The following POU6F2 variants were observed in gnomAD, a reference collection of about 807,000 sequenced individuals.
The protein encoded by POU6F2 is POU domain, class 6, transcription factor 2.
A neutral mutation model predicts 71.3 loss-of-function variants in POU6F2; 31 were observed. The ratio of observed to expected loss-of-function variants is 0.43; its 90% CI spans 0.33 to 0.59. POU6F2 has a LOEUF of 0.59. Ranked by LOEUF, POU6F2 falls within the 20% of genes least tolerant of loss-of-function variation. The pLI is 0.04. For missense variants in POU6F2, 783 were observed against 856.8 expected, an observed-to-expected ratio of 0.91 and a Z score of 1.07; for synonymous variants, 347 against 355.7, an observed-to-expected ratio of 0.98 and a Z score of 0.27.
intron 4 of POU6F2, among the ~76,000 whole-genome samples, chr7:39,211,302 G>C (rs976203437): frequency 6.6e-6 from 1 of 152,166 alleles, no homozygotes; most frequent in Non-Finnish European, 1.5e-5. Flanking sequence ...CATGAAGGCA[G>C]TGAATGTCCT....
rs74928348 is a variant in POU6F2 at position 39,452,221 on chromosome 7, G to A, written c.1489+520G>A. ...GCATGTGGGGGAAGCTGCATGGGCCGGAATCAGATGAGAAATCTCTGAACA... is the reference window on the plus strand; with the variant it reads ...GCATGTGGGGGAAGCTGCATGGGCCAGAATCAGATGAGAAATCTCTGAACA... On this transcript the variant is annotated intron_variant, in intron 8 of 9. Transcript: ENST00000518318. Among the ~76,000 whole-genome samples, 96 of 152,246 alleles carry A rather than the reference G, an allele frequency of 6.3e-4. No homozygotes were observed. The East Asian group carries it at 0.014, about 22-fold the overall frequency.
chr7:39,193,179 G>A (rs2128743508), intron 2 of POU6F2, among the ~76,000 whole-genome samples: 1 of 152,242 alleles, frequency 6.6e-6, no homozygotes, highest in Non-Finnish European at 1.5e-5. Flanking sequence ...GAATGCAGCT[G>A]CACTTAGCTC....
rs140219574 is a variant in POU6F2, at chr7:39,318,666, G to A, written c.599-20976G>A. Among the ~76,000 whole-genome samples the A allele has an allele frequency of 2.0e-4, 31 of 152,308 alleles. No homozygotes were observed. In the East Asian group the frequency reaches 5.6e-3, roughly 28 times the overall value. The stretch of plus-strand genomic sequence containing the variant: ...GCAAGGCTCAGTTCCTCTGAGGTTA[G>A]TGCAATCACTACATGACTTGTTCAA... On this transcript the variant is annotated intron_variant, in intron 4 of 9. Coordinates refer to ENST00000518318, the MANE Select transcript of POU6F2 (RefSeq NM_001370959.1).
chr7:39,214,243 G>A (rs900311660), intron 4 of POU6F2, among the ~76,000 whole-genome samples: 10 of 151,986 alleles, frequency 6.6e-5, no homozygotes, highest in Admixed American at 3.3e-4. Flanking sequence ...TTCTTTGCAC[G>A]TACTCCTAGC....
chr7:39,386,983 A>G (rs1439231785), intron 5 of POU6F2, among the ~76,000 whole-genome samples: 12 of 152,374 alleles, frequency 7.9e-5, no homozygotes, highest in African/African-American at 2.9e-4. Flanking sequence ...AAGCTGGAAC[A>G]GCAACTGCTC....
chr7:39,180,649 C>T (rs1220888695), intron 2 of POU6F2, among the ~76,000 whole-genome samples: 1 of 152,134 alleles, frequency 6.6e-6, no homozygotes, highest in Non-Finnish European at 1.5e-5. Context: ...CTGTGTGATT[C>T]ATGCAGGCGC....
intron 5 of POU6F2, among the ~76,000 whole-genome samples, chr7:39,398,194 C>T (rs1443232295): frequency 6.6e-6 from 1 of 152,026 alleles, no homozygotes; most frequent in Admixed American, 6.5e-5. Context: ...CTACTGGATG[C>T]CTGGCACTGT....
intron 1 of POU6F2, among the ~76,000 whole-genome samples, chr7:39,025,724 G>A (rs1383254395): frequency 6.6e-6 from 1 of 150,530 alleles, no homozygotes; most frequent in East Asian, 1.9e-4. Context: ...AAAAGCAATG[G>A]CAACAAAAGC....
At chr7:39,225,026 CAA>C (rs1271347172) in intron 4 of POU6F2, among the ~76,000 whole-genome samples, 1 of 152,120 alleles carries the variant, frequency 6.6e-6, no homozygotes, top group Non-Finnish European at 1.5e-5. Context: ...TGAAATATTT[CAA>C]TATTGTGTTC....
intron 2 of POU6F2, among the ~76,000 whole-genome samples, chr7:39,135,120 C>T (rs1433694641): frequency 6.6e-6 from 1 of 152,108 alleles, no homozygotes; most frequent in Non-Finnish European, 1.5e-5. Context: ...AAGACATGAG[C>T]TTCTGATAAA....
chr7:39,422,035 C>T lies in POU6F2; in HGVS notation c.1114-11042C>T, dbSNP rs529569072. On this transcript the variant is annotated intron_variant, in intron 6 of 9. Coordinates refer to ENST00000518318, the MANE Select transcript of POU6F2 (RefSeq NM_001370959.1). ...TGATGGCTTCACCACAGTTGTGCTTCTCTTTTAAGGGGGAAAAAATGTTTC... is the reference window on the plus strand; with the variant it reads ...TGATGGCTTCACCACAGTTGTGCTTTTCTTTTAAGGGGGAAAAAATGTTTC... Among the ~76,000 whole-genome samples, 38 of 152,258 alleles carry T rather than the reference C, an allele frequency of 2.5e-4. 1 individual carries two copies. The East Asian group carries it at 4.2e-3, about 17-fold the overall frequency.
Position 39,464,438 on chromosome 7 carries a change from C to T in POU6F2, c.1915C>T (p.Arg639Trp). 1.9e-6 allele frequency: 3 copies of T among 1,613,962 alleles called. No individual in the cohort carries two copies. Among genetic ancestry groups the T allele is most frequent in the Non-Finnish European group, 2.5e-6 (3 of 1,179,876 alleles). ...IGSEPSKKRK[R>W]RTSFTPQALE... ...GAGTGAACCATCCAAAAAGCGCAAG[C>T]GGCGCACCTCCTTCACACCCCAGGC... is the stretch of plus-strand genomic sequence containing the variant. The change falls in exon 10 of 10, where the codon CGG becomes TGG. Residue 639 changes from arginine to tryptophan, a missense_variant. By Grantham distance (101) the Arg-to-Trp change is moderately radical. This residue lies in a region of POU6F2 where 211 missense variants were observed against 283.9 expected (regional missense o/e 0.74). Coordinates refer to ENST00000518318, the MANE Select transcript of POU6F2 (RefSeq NM_001370959.1). This position sits in a 1 kb window ranked among gnomAD's most constrained non-coding sequence, Gnocchi z 4.1.
chr7:39,448,627 T>C (rs896759257), intron 7 of POU6F2, among the ~76,000 whole-genome samples: 2 of 152,226 alleles, frequency 1.3e-5, no homozygotes, highest in Non-Finnish European at 2.9e-5. Context: ...TAGCTTGCTC[T>C]AGTGACTCTT....
chr7:39,083,563 A>C (rs776135735), intron 1 of POU6F2: 2 of 151,046 alleles, frequency 1.3e-5, no homozygotes, highest in Non-Finnish European at 2.9e-5. Flanking sequence ...TTTAGGAAAG[A>C]GATCCAGAGA....
At chr7:39,340,102 CA>C in intron 5 of POU6F2, 87 bp downstream of exon 5, 1 of 1,335,014 alleles carries the variant, frequency 7.5e-7, no homozygotes, top group Non-Finnish European at 9.7e-7. Flanking sequence ...AGAGGGACCA[CA>C]CAAAACTTAG....
rs77418101 is a variant in POU6F2, at chr7:39,390,045, T to C, written c.973-16555T>C. On this transcript the variant is annotated intron_variant, in intron 5 of 9. Transcript: ENST00000518318. The stretch of plus-strand genomic sequence containing the variant: ...TTTTTGGAATGTAAAAGATGCTACA[T>C]CAGGTAGGTAGTGATAGTGAGGACA... Among the ~76,000 whole-genome samples, 698 of 152,254 alleles carry C rather than the reference T, an allele frequency of 4.6e-3. 3 individuals carry two copies. Among genetic ancestry groups the C allele is most frequent in the African/African-American group, 0.016 (661 of 41,538 alleles).
At chr7:39,164,248 A>C (rs1468593512) in intron 2 of POU6F2, among the ~76,000 whole-genome samples, 2 of 151,464 alleles carry the variant, frequency 1.3e-5, no homozygotes, top group Non-Finnish European at 2.9e-5. Flanking sequence ...GTAAGTTTCA[A>C]ACATAGCAGT....
At chr7:39,158,470 G>C (rs1792919741) in intron 2 of POU6F2, among the ~76,000 whole-genome samples, 1 of 152,164 alleles carries the variant, frequency 6.6e-6, no homozygotes, top group Non-Finnish European at 1.5e-5. Context: ...TGGATCATAT[G>C]ATTATGGAGG....
At chr7:39,219,138 C>A (rs941703473) in intron 4 of POU6F2, among the ~76,000 whole-genome samples, 5 of 152,166 alleles carry the variant, frequency 3.3e-5, no homozygotes, top group African/African-American at 1.2e-4. Context: ...TGGACATAAT[C>A]TCCGCATTAA....
Sources: allele counts gnomAD v4.1 joint callset (sites outside exome capture counted in the v4.1 genomes callset), GRCh38; gene constraint gnomAD v4.1.1; regional missense constraint gnomAD v4.1.1; non-coding constraint Gnocchi (gnomAD v3.1); transcripts MANE v1.5; gene names NCBI Gene and HGNC (gene_info 2026-07-23, HGNC 2026-07-21).